Variants in SLC5A11 observed in about 807,000 individuals in gnomAD.
The protein encoded by SLC5A11 is solute carrier family 5 member 11, also known as sodium/myo-inositol cotransporter 2.
A neutral mutation model predicts 69.8 loss-of-function variants in SLC5A11; 48 were observed. The observed-to-expected ratio is 0.69, with a 90% CI of 0.55 to 0.87. The LOEUF is 0.87. Among genes scored for constraint, SLC5A11 ranks in the 40% least tolerant of loss-of-function variants. The pLI, the probability that SLC5A11 is intolerant of heterozygous loss-of-function variation, is 0.00. For synonymous variants in SLC5A11, 319 were observed against 342.4 expected (o/e 0.93, Z 0.75); for missense variants, 784 against 866.1 (o/e 0.91, Z 1.19).
intron 8 of SLC5A11, among the ~76,000 whole-genome samples, chr16:24,889,508 T>C (rs556853272): frequency 1.7e-4 from 25 of 147,924 alleles, no homozygotes; most frequent in African/African-American, 5.7e-4. Context: ...CAACAAAACC[T>C]GAAACCATTA....
In SLC5A11 at chr16:24,872,172, GT is replaced by G; in HGVS notation, c.326del (p.Val109GlyfsTer2). 1 of 1,614,164 alleles carries G rather than the reference GT, an allele frequency of 6.2e-7. No homozygotes were observed. The highest frequency in any genetic ancestry group is 1.1e-5 in the South Asian group (1 of 91,078). The stretch of plus-strand genomic sequence containing the variant: ...TTTTCTTGAGCAGGGCTTGTTTTCT[GT>G]GCTGATGTTGGCCTGGATCTTCCTA... On this transcript the variant is annotated frameshift_variant, in exon 5 of 16. Transcript: ENST00000347898. LOFTEE classifies it high-confidence loss of function.
rs1019677588 is a variant in SLC5A11 at position 24,882,926 on chromosome 16, A to C, written c.584-1125A>C. On this transcript the variant is annotated intron_variant, in intron 7 of 15. Transcript: ENST00000347898. ...CTCCCAAAGTGCTGGGATTACAGGC[A>C]TGAGCCATCTTTCCCAGCCCATTTC... Among the ~76,000 whole-genome samples, 5 of 152,176 alleles carry C rather than the reference A, an allele frequency of 3.3e-5. No homozygotes were observed. The South Asian group carries it at 1.0e-3, about 31-fold the overall frequency.
chr16:24,893,545 C>T (rs1359410042), intron 9 of SLC5A11, among the ~76,000 whole-genome samples: 3 of 151,380 alleles, frequency 2.0e-5, no homozygotes, highest in African/African-American at 7.2e-5. Context: ...GGTTTCTGAA[C>T]TTCTTTTTTA....
intron 7 of SLC5A11, among the ~76,000 whole-genome samples, chr16:24,882,115 T>TC (rs1250810136): frequency 6.6e-6 from 1 of 152,050 alleles, no homozygotes; most frequent in Non-Finnish European, 1.5e-5. Flanking sequence ...GAGGTCTGTG[T>TC]CCCCCATTAG....
rs115612258 is a variant in SLC5A11 at position 24,855,233 on chromosome 16, A to G, written c.-24-3387A>G. The stretch of plus-strand genomic sequence containing the variant: ...AAACCTAAATCCCTAATGCAATAGT[A>G]TTAAGAGGCAGGGCATTTGAGAGGG... On this transcript the variant is annotated intron_variant, in intron 1 of 15. Coordinates refer to ENST00000347898, the Ensembl canonical transcript of SLC5A11. Among the ~76,000 whole-genome samples, 124 of 152,190 alleles carry G rather than the reference A, an allele frequency of 8.1e-4. 1 individual carries two copies. The highest frequency in any genetic ancestry group is 2.9e-3 in the African/African-American group (120 of 41,504).
exon 14 of SLC5A11, chr16:24,909,095 T>C (rs1330245447): frequency 6.2e-7 from 1 of 1,613,924 alleles, no homozygotes; most frequent in Admixed American, 1.7e-5. Flanking sequence ...TCCAAGGAGA[T>C]GGTACATTTG....
intron 1 of SLC5A11, among the ~76,000 whole-genome samples, chr16:24,854,687 C>T (rs2059452939): frequency 6.6e-6 from 1 of 152,194 alleles, no homozygotes; most frequent in African/African-American, 2.4e-5. Context: ...CTGCCTTGGC[C>T]TCCCAAAGTG....
At chr16:24,849,594 ATATATATATATATAT>A (rs1359454512) in intron 1 of SLC5A11, among the ~76,000 whole-genome samples, 1 of 53,982 alleles carries the variant, frequency 1.9e-5, no homozygotes, top group Admixed American at 1.9e-4. Context: ...AAAAAAAAAA[ATATATATATATATAT>A]ATATATATAT....
At chr16:24,875,793 C>T (rs1248250128) in intron 6 of SLC5A11, 62 bp downstream of exon 7, 1 of 1,340,478 alleles carries the variant, frequency 7.5e-7, no homozygotes, top group East Asian at 2.4e-5. Context: ...AGGCACAGAT[C>T]ATTGCTCAGG....
chr16:24,908,250 G>A (rs1344041171), intron 13 of SLC5A11, 119 bp downstream of exon 14: 2 of 1,179,938 alleles, frequency 1.7e-6, no homozygotes, highest in African/African-American at 3.1e-5. Context: ...TTGAGAGGGA[G>A]GGTGAGTTCC....
chr16:24,905,795 A>T (rs968161823), intron 10 of SLC5A11, among the ~76,000 whole-genome samples: 1 of 152,288 alleles, frequency 6.6e-6, no homozygotes, highest in Middle Eastern at 3.4e-3. Context: ...ATCTGGAGAA[A>T]CTAACCTCTG....
At chr16:24,907,878 CCTGT>C (rs1439350671) in intron 12 of SLC5A11, 81 bp from the exon 14 acceptor site, 4 of 1,541,068 alleles carry the variant, frequency 2.6e-6, no homozygotes, top group Non-Finnish European at 2.7e-6. Context: ...AGAACAAGAC[CCTGT>C]CTATTAAAAG....
In SLC5A11 at chr16:24,862,669, G is replaced by A. The variant is rs147549055; in HGVS notation, c.204G>A (p.Trp68Ter). The A allele has an allele frequency of 1.3e-3, 2,169 of 1,613,092 alleles. No homozygotes were observed. The highest frequency in any genetic ancestry group is 1.7e-3 in the Non-Finnish European group (2,001 of 1,179,514). The stretch of plus-strand genomic sequence containing the variant: ...TGGCTGGAGGGGACATGGTGTGGTG[G>A]CCAGTAAGTGGTCTTTGGTTCAATT... The change falls in exon 3 of 16, where the codon TGG (tryptophan) becomes TGA (stop). Residue 68 changes from tryptophan to a stop codon, truncating the protein, a stop_gained. Coordinates refer to ENST00000347898, the Ensembl canonical transcript of SLC5A11. LOFTEE classifies it high-confidence loss of function.
At chr16:24,900,978 A>G (rs1191685097) in intron 10 of SLC5A11, among the ~76,000 whole-genome samples, 1 of 151,688 alleles carries the variant, frequency 6.6e-6, no homozygotes, top group Non-Finnish European at 1.5e-5. Context: ...TTCATTGTGC[A>G]CTTGCTAAGG....
At chr16:24,864,082 A>G (rs181255636) in intron 3 of SLC5A11, among the ~76,000 whole-genome samples, 1 of 152,338 alleles carries the variant, frequency 6.6e-6, no homozygotes, top group African/African-American at 2.4e-5. Flanking sequence ...ATAATATTCT[A>G]GTAAGACAAC....
intron 10 of SLC5A11, among the ~76,000 whole-genome samples, chr16:24,906,384 T>C (rs1268338633): frequency 6.6e-6 from 1 of 150,956 alleles, no homozygotes; most frequent in Non-Finnish European, 1.5e-5. Context: ...GATTGGCCAC[T>C]AGGTGTCCCA....
At chr16:24,901,958 GCACACACA>G (rs56126191) in intron 10 of SLC5A11, among the ~76,000 whole-genome samples, 1 of 136,576 alleles carries the variant, frequency 7.3e-6, no homozygotes, top group African/African-American at 2.8e-5. Context: ...ACACACACAC[GCACACACA>G]CACACACACA....
chr16:24,890,658 T>C (rs2048732814), intron 8 of SLC5A11, among the ~76,000 whole-genome samples: 1 of 152,076 alleles, frequency 6.6e-6, no homozygotes, highest in Non-Finnish European at 1.5e-5. Flanking sequence ...ATATTTGTAA[T>C]TTATGGTTAG....
chr16:24,875,501 G>T, intron 5 of SLC5A11, 126 bp from the exon 7 acceptor site: 1 of 735,868 alleles, frequency 1.4e-6, no homozygotes, highest in Non-Finnish European at 2.3e-6. Context: ...ATCAGGTTGA[G>T]AATCCCAAGA....
Sources: allele counts gnomAD v4.1 joint callset (sites outside exome capture counted in the v4.1 genomes callset), GRCh38; gene constraint gnomAD v4.1.1; transcripts MANE v1.5; gene names NCBI Gene and HGNC (gene_info 2026-07-23, HGNC 2026-07-21).